WASF1: variants seen among roughly 807,000 people sequenced by gnomAD.
WASF1 encodes actin-binding protein WASF1.
A neutral mutation model predicts 50.5 loss-of-function variants in WASF1; 7 were observed. The ratio of observed to expected loss-of-function variants is 0.14; its 90% CI spans 0.08 to 0.26. WASF1 has a LOEUF of 0.26. Among genes scored for constraint, WASF1 ranks in the 10% least tolerant of loss-of-function variants. The probability of loss-of-function intolerance (pLI) is 1.00; values close to 1 mark genes in which losing one functional copy is unlikely to be tolerated. For missense variants in WASF1, 470 were observed against 694.7 expected (o/e 0.68, Z 3.64); for synonymous variants, 205 against 244.0 (o/e 0.84, Z 1.49).
chr6:110,175,707 C>T (rs1455775778), intron 2 of WASF1, among the ~76,000 whole-genome samples: 4 of 152,094 alleles, frequency 2.6e-5, no homozygotes, highest in African/African-American at 4.8e-5. Context: ...CTTCTTGTCC[C>T]AGATAATGTA....
chr6:110,116,534 C>T (rs1262371095), intron 4 of WASF1, among the ~76,000 whole-genome samples: 6 of 151,918 alleles, frequency 3.9e-5, no homozygotes, highest in African/African-American at 1.2e-4. Flanking sequence ...ACAAAGAGGC[C>T]GGTAAGCTTG....
At chr6:110,149,389 A>G (rs1775721842) in intron 3 of WASF1, among the ~76,000 whole-genome samples, 1 of 151,834 alleles carries the variant, frequency 6.6e-6, no homozygotes. Flanking sequence ...GGTAAACACA[A>G]TATTCCTGGC....
intron 3 of WASF1, among the ~76,000 whole-genome samples, chr6:110,148,720 A>G (rs1775691581): frequency 6.6e-6 from 1 of 152,172 alleles, no homozygotes; most frequent in African/African-American, 2.4e-5. Context: ...CATTCATTCT[A>G]ATTGCTCTAT....
At chr6:110,113,795 ATATTT>A (rs1444221338) in intron 4 of WASF1, among the ~76,000 whole-genome samples, 1 of 152,218 alleles carries the variant, frequency 6.6e-6, no homozygotes, top group East Asian at 1.9e-4. Flanking sequence ...ATTTTAAAGT[ATATTT>A]TAAAGATATG....
At position 110,117,587 on chromosome 6, in the gene WASF1, C is replaced by T. The variant is rs552025946; in HGVS notation, c.134-4127G>A. ...AAATGGAACCAAGTTAGAAAACATT[C>T]GTCAGGATATTATCTAGGAGAACTT... On this transcript the variant is annotated intron_variant, in intron 4 of 10. Coordinates refer to ENST00000392589, the MANE Select transcript of WASF1 (RefSeq NM_003931.3). 3.3e-3 allele frequency among the ~76,000 whole-genome samples: 501 copies of T among 152,242 alleles called. 4 individuals are homozygous for T. The highest frequency in any genetic ancestry group is 6.7e-3 in the Admixed American group (102 of 15,290).
chr6:110,117,000 T>A (rs1211588367), intron 4 of WASF1, among the ~76,000 whole-genome samples: 1 of 151,696 alleles, frequency 6.6e-6, no homozygotes, highest in African/African-American at 2.4e-5. Context: ...ACCCCCTCTG[T>A]AGGTCACCAA....
At chr6:110,159,798 T>C (rs1268794783) in intron 3 of WASF1, among the ~76,000 whole-genome samples, 1 of 151,896 alleles carries the variant, frequency 6.6e-6, no homozygotes, top group Non-Finnish European at 1.5e-5. Flanking sequence ...TGTAACACTT[T>C]AAATAATTCT....
chr6:110,118,910 C>T (rs1434112466), intron 4 of WASF1, among the ~76,000 whole-genome samples: 1 of 152,202 alleles, frequency 6.6e-6, no homozygotes, highest in Non-Finnish European at 1.5e-5. Context: ...CGCACAACTA[C>T]ATGGAAACTG....
chr6:110,151,290 C>T (rs1775812457), intron 3 of WASF1, among the ~76,000 whole-genome samples: 1 of 152,180 alleles, frequency 6.6e-6, no homozygotes, highest in South Asian at 2.1e-4. Context: ...CACACACTAG[C>T]AATTTGAGGA....
At chr6:110,142,354 T>A (rs1486006100) in intron 3 of WASF1, among the ~76,000 whole-genome samples, 1 of 152,218 alleles carries the variant, frequency 6.6e-6, no homozygotes, top group Non-Finnish European at 1.5e-5. Flanking sequence ...TTAGGTACAA[T>A]GCAAAAGCTT....
chr6:110,130,801 C>T (rs867608509), intron 3 of WASF1, among the ~76,000 whole-genome samples: 1 of 152,286 alleles, frequency 6.6e-6, no homozygotes, highest in East Asian at 1.9e-4. Flanking sequence ...GAGACTGTAC[C>T]AACACTTTAC....
chr6:110,171,746 AC>A (rs1776725012), intron 2 of WASF1, among the ~76,000 whole-genome samples: 1 of 152,170 alleles, frequency 6.6e-6, no homozygotes, highest in Non-Finnish European at 1.5e-5. Flanking sequence ...CGAACAGGCA[AC>A]CTACAGAATG....
Position 110,100,672 on chromosome 6 carries a change from C to A in WASF1, c.1530G>T (p.Gln510His). The A allele has an allele frequency of 1.2e-6, 2 of 1,610,934 alleles. No homozygotes were observed. Among genetic ancestry groups the A allele is most frequent in the East Asian group, 4.5e-5 (2 of 44,650 alleles). ...CACGCTGCTCTTCTACTTTGCGTAGCTGAATACCTGATACAGTGAATCCAA... is the reference window on the plus strand; with the variant it reads ...CACGCTGCTCTTCTACTTTGCGTAGATGAATACCTGATACAGTGAATCCAA... ...VLLEAIRKGI[Q>H]LRKVEEQREQ... is the part of the protein sequence containing the mutation. The change falls in exon 11 of 11, where the codon CAG becomes CAT. Residue 510 changes from glutamine to histidine, a missense_variant. Gln to His is a conservative substitution (Grantham distance 24). Transcript: ENST00000392589.
At chr6:110,135,092 T>C (rs939099147) in intron 3 of WASF1, among the ~76,000 whole-genome samples, 1 of 152,188 alleles carries the variant, frequency 6.6e-6, no homozygotes, top group Non-Finnish European at 1.5e-5. Context: ...CCTCCTTGGT[T>C]AGGTATATTT....
chr6:110,100,800 G>A (rs1230520786), intron 10 of WASF1, 121 bp from the exon 11 acceptor site: 2 of 1,160,664 alleles, frequency 1.7e-6, no homozygotes, highest in Non-Finnish European at 2.3e-6. Context: ...AAAAAGATCA[G>A]AAAAGAATGT....
intron 4 of WASF1, among the ~76,000 whole-genome samples, chr6:110,114,079 C>T (rs913385950): frequency 6.6e-6 from 1 of 152,012 alleles, no homozygotes; most frequent in Admixed American, 6.6e-5. Flanking sequence ...TTATAGCCAC[C>T]CTCTGTTGAT....
intron 2 of WASF1, among the ~76,000 whole-genome samples, chr6:110,176,031 G>A (rs143706938): frequency 4.5e-4 from 69 of 151,980 alleles, no homozygotes; most frequent in Non-Finnish European, 8.1e-4. Context: ...TAAGTATACT[G>A]TTTCTGAGAA....
At chr6:110,124,212 TCTCTCCTCTCTCTCCTCTCTCTC>T (rs1404996623) in intron 4 of WASF1, among the ~76,000 whole-genome samples, 4 of 75,454 alleles carry the variant, frequency 5.3e-5, no homozygotes, top group African/African-American at 2.3e-4. Flanking sequence ...TCTCTCTCTC[TCTCTCCTCTCTCTCCTCTCTCTC>T]CTCTCTCTCT....
At chr6:110,174,877 C>G (rs1776859493) in intron 2 of WASF1, among the ~76,000 whole-genome samples, 2 of 152,134 alleles carry the variant, frequency 1.3e-5, no homozygotes, top group African/African-American at 4.8e-5. Context: ...AACAGAATGA[C>G]TTCTCTTTTA....
Sources: allele counts gnomAD v4.1 joint callset (sites outside exome capture counted in the v4.1 genomes callset), GRCh38; gene constraint gnomAD v4.1.1; transcripts MANE v1.5; gene names NCBI Gene and HGNC (gene_info 2026-07-23, HGNC 2026-07-21).